NID2: variants seen among roughly 807,000 people sequenced by gnomAD.
The protein encoded by NID2 is nidogen-2.
A neutral mutation model predicts 145.4 loss-of-function variants in NID2; 83 were observed. That is an observed-to-expected ratio of 0.57 (90% CI 0.48 to 0.69). The LOEUF (loss-of-function observed/expected upper bound fraction) is 0.69, where lower values mean the gene tolerates loss of function less well. NID2 is among the 30% of genes least tolerant of loss of function. The probability of loss-of-function intolerance (pLI) is 0.00; values close to 1 mark genes in which losing one functional copy is unlikely to be tolerated. For missense variants in NID2, 1,807 were observed against 1,765.7 expected (o/e 1.02, Z -0.42); for synonymous variants, 739 against 701.3 (o/e 1.05, Z -0.85).
chr14:52,031,408 T>C lies in NID2; in HGVS notation c.2258-1718A>G, dbSNP rs560255032. ...AGTGGGGCCACTGTTCATCATTATT[T>C]GAGGTTCTAGCTCAACCTCAGTCCC... On this transcript the variant is annotated intron_variant, in intron 9 of 21. Coordinates refer to ENST00000216286, the MANE Select transcript of NID2 (RefSeq NM_007361.4). Among the ~76,000 whole-genome samples the C allele has an allele frequency of 5.3e-5, 8 of 152,356 alleles. No homozygotes were observed. The East Asian group carries it at 1.5e-3, about 29-fold the overall frequency.
rs763646424 is a variant in NID2 at position 52,015,327 on chromosome 14, G to A, written c.3029-52C>T. On this transcript the variant is annotated intron_variant, in intron 14 of 21. Coordinates refer to ENST00000216286, the MANE Select transcript of NID2 (RefSeq NM_007361.4). ...GAAAAACCTTTGATTGTGAGTCAAG[G>A]ACAGAATGCAAAATGTAGCTCAAGA... is the stretch of plus-strand genomic sequence containing the variant. The A allele has an allele frequency of 1.4e-5, 22 of 1,526,992 alleles. No homozygotes were observed. The Admixed American group carries it at 3.4e-4, about 24-fold the overall frequency. The allele number at this position is 1,526,992 out of a possible 1,614,324, so 94.6% of individuals were successfully genotyped here.
At chr14:52,050,410 C>T (rs192114773) in intron 5 of NID2, among the ~76,000 whole-genome samples, 1 of 152,218 alleles carries the variant, frequency 6.6e-6, no homozygotes, top group Non-Finnish European at 1.5e-5. Context: ...AGGCCTGGCT[C>T]AAGCCCCTCC....
intron 2 of NID2, 30 bp from the exon 3 acceptor site, chr14:52,060,386 G>GAA: frequency 9.0e-7 from 1 of 1,116,908 alleles, no homozygotes; most frequent in Non-Finnish European, 1.2e-6. Context: ...AAAAGAGAGA[G>GAA]AGAGAGAGAG....
chr14:52,042,847 G>T lies in NID2; in HGVS notation c.1514C>A (p.Ala505Asp), dbSNP rs773216496. ...TTGGCAGTGGCAGCAGAAGCCAGTG[G>T]CATAGTCCGTGCAGAAGGCATGCCG... The part of the protein sequence containing the change: ...CSRHAFCTDY[A>D]TGFCCHCQSK... The change falls in exon 6 of 22, where the codon GCC becomes GAC. Residue 505 changes from alanine (A) to aspartate (D), a missense_variant. Transcript: ENST00000216286. The T allele has an allele frequency of 6.2e-7, 1 of 1,614,214 alleles. No individual in the cohort carries two copies. The highest frequency in any genetic ancestry group is 1.1e-5 in the South Asian group (1 of 91,088).
chr14:52,010,488 C>T (rs2282346), intron 18 of NID2: 32,530 of 171,592 alleles, frequency 0.19, 3,918 homozygotes, highest in East Asian at 0.52. Context: ...CTACTGTGAG[C>T]GTCAACCCTG....
intron 2 of NID2, among the ~76,000 whole-genome samples, chr14:52,064,078 T>C (rs1419589619): frequency 6.6e-6 from 1 of 152,164 alleles, no homozygotes; most frequent in Non-Finnish European, 1.5e-5. Flanking sequence ...AGACCACCCC[T>C]CTTCTAAACC....
At chr14:52,038,642 A>G (rs753051) in intron 9 of NID2, 105 bp downstream of exon 9, 686,724 of 871,866 alleles carry the variant, frequency 0.79, 271,151 homozygotes, top group South Asian at 0.88. Flanking sequence ...TACCTAGCAC[A>G]TAACACAGCA....
chr14:52,040,521 A>G (rs1892240658), intron 8 of NID2, 130 bp downstream of exon 8: 5 of 759,636 alleles, frequency 6.6e-6, no homozygotes, highest in African/African-American at 1.7e-5. Context: ...GAGTAATAAC[A>G]TAATAGAGCT....
rs1181240531 is a variant in NID2, at chr14:52,022,016, C to G, written c.2675-1838G>C. 1.3e-5 allele frequency among the ~76,000 whole-genome samples: 2 copies of G among 152,192 alleles called. 1 individual carries two copies. Among genetic ancestry groups the G allele is most frequent in the South Asian group, 4.1e-4 (2 of 4,830 alleles). ...ATTCACAATACGCATGCTAAAAGTA[C>G]TTCTAATGGTAACAGGAACCCCAAG... On this transcript the variant is annotated intron_variant, in intron 12 of 21. Coordinates refer to ENST00000216286, the MANE Select transcript of NID2 (RefSeq NM_007361.4).
chr14:52,042,059 T>G, intron 7 of NID2, 46 bp downstream of exon 7: 1 of 1,535,290 alleles, frequency 6.5e-7, no homozygotes, highest in African/African-American at 1.4e-5. Context: ...GGAGCACCAC[T>G]GCCAAAGCAA....
At chr14:52,005,627 G>A in intron 21 of NID2, 110 bp downstream of exon 21, 1 of 1,393,528 alleles carries the variant, frequency 7.2e-7, no homozygotes, top group South Asian at 1.2e-5. Flanking sequence ...CCTCAGGGCA[G>A]GAAGAAGGCA....
Position 52,042,183 on chromosome 14 carries a change from G to C in NID2, c.1747C>G (p.Leu583Val), listed in dbSNP as rs544021078. The part of the protein sequence containing the change: ...PQPAAQALLP[L>V]TPIGGLFGWL... ...CCAAACAGGCCTCCAATTGGTGTGA[G>C]GGGGAGGAGGGCCTGGGCTGCTGGC... is the stretch of plus-strand genomic sequence containing the variant. The change falls in exon 7 of 22, where the codon CTC (leucine) becomes GTC (valine). Residue 583 changes from leucine (L) to valine (V), a missense_variant. By Grantham distance (32) the Leu-to-Val change is conservative. Coordinates refer to ENST00000216286, the MANE Select transcript of NID2 (RefSeq NM_007361.4). 4.2e-5 allele frequency: 68 copies of C among 1,614,038 alleles called. No homozygotes were observed. Among genetic ancestry groups the C allele is most frequent in the Non-Finnish European group, 5.3e-5 (62 of 1,179,998 alleles).
At chr14:52,009,777 C>G (rs144405077) in intron 18 of NID2, 5 of 152,366 alleles carry the variant, frequency 3.3e-5, no homozygotes, top group Middle Eastern at 3.4e-3. Flanking sequence ...AGGTGGATCA[C>G]CCAGGGTCAG....
intron 5 of NID2, among the ~76,000 whole-genome samples, chr14:52,043,942 T>C (rs557345385): frequency 6.6e-6 from 1 of 152,092 alleles, no homozygotes; most frequent in African/African-American, 2.4e-5. Flanking sequence ...TCCAGGAGCA[T>C]GCTGTTGAGC....
intron 3 of NID2, among the ~76,000 whole-genome samples, chr14:52,057,513 G>A (rs961925703): frequency 4.0e-5 from 6 of 151,734 alleles, no homozygotes; most frequent in African/African-American, 1.5e-4. Context: ...GACCAGCCTG[G>A]CCAACATGAT....
At chr14:52,034,073 A>G (rs185750759) in intron 9 of NID2, among the ~76,000 whole-genome samples, 1 of 152,290 alleles carries the variant, frequency 6.6e-6, no homozygotes, top group Admixed American at 6.5e-5. Context: ...TAATTCATGT[A>G]AGGTGCTTAG....
intron 2 of NID2, among the ~76,000 whole-genome samples, chr14:52,065,390 A>C (rs1893154911): frequency 6.6e-6 from 1 of 151,852 alleles, no homozygotes; most frequent in Non-Finnish European, 1.5e-5. Flanking sequence ...GCTCTTTAAA[A>C]TATTGGAAGA....
At chr14:52,011,914 A>C in intron 16 of NID2, 1 of 489,228 alleles carries the variant, frequency 2.0e-6, no homozygotes, top group Non-Finnish European at 3.7e-6. Context: ...CATTTGCAAA[A>C]TGAGGCCAAT....
intron 3 of NID2, among the ~76,000 whole-genome samples, chr14:52,057,803 C>T (rs1956274): frequency 0.69 from 104,312 of 151,652 alleles, 36,683 homozygotes; most frequent in Non-Finnish European, 0.78. Context: ...AGGTGATGGG[C>T]ATTTGGGTGT....
Sources: gnomAD v4.1 joint callset for allele counts (sites outside exome capture counted in the v4.1 genomes callset) on GRCh38, gnomAD v4.1.1 for gene constraint, MANE v1.5 for transcripts, NCBI Gene and HGNC (gene_info 2026-07-23, HGNC 2026-07-21) for gene names.